The following NLN variants were observed in gnomAD, a reference collection of about 807,000 sequenced individuals.
The protein encoded by NLN is neurolysin, mitochondrial.
Under a neutral mutation model 79.9 loss-of-function variants are expected in NLN, and 64 were observed. That is an observed-to-expected ratio of 0.80 (90% CI 0.65 to 0.99). The LOEUF is 0.99. NLN is among the 50% of genes least tolerant of loss of function. The probability of loss-of-function intolerance (pLI) is 0.00; values close to 1 mark genes in which losing one functional copy is unlikely to be tolerated. For missense variants in NLN, 835 were observed against 858.7 expected (o/e 0.97, Z 0.34); for synonymous variants, 267 against 296.6 (o/e 0.90, Z 1.02).
intron 3 of NLN, among the ~76,000 whole-genome samples, chr5:65,767,574 C>T (rs1719026726): frequency 6.6e-6 from 1 of 152,202 alleles, no homozygotes; most frequent in Non-Finnish European, 1.5e-5. Context: ...ACATTTTCCC[C>T]ATTGTCTTGG....
intron 9 of NLN, 166 bp downstream of exon 9, chr5:65,792,821 C>T: frequency 1.5e-6 from 1 of 684,466 alleles, no homozygotes; most frequent in Non-Finnish European, 2.7e-6. Context: ...TGTCCTCTTT[C>T]ACAACATATT....
At chr5:65,733,101 C>G in intron 1 of NLN, 1 of 1,408,924 alleles carries the variant, frequency 7.1e-7, no homozygotes, top group Non-Finnish European at 9.9e-7. Flanking sequence ...CCCCAGGTGC[C>G]TCAAGAACCT....
At chr5:65,798,022 G>A (rs976601479) in intron 9 of NLN, among the ~76,000 whole-genome samples, 2 of 152,078 alleles carry the variant, frequency 1.3e-5, no homozygotes, top group Non-Finnish European at 2.9e-5. Context: ...GAGCAATGTG[G>A]GTATGTTTAT....
At chr5:65,742,634 G>A (rs1023169758) in intron 1 of NLN, among the ~76,000 whole-genome samples, 2 of 152,134 alleles carry the variant, frequency 1.3e-5, no homozygotes, top group Admixed American at 1.3e-4. Flanking sequence ...AGATAACTTT[G>A]AAAGCCCACT....
Position 65,812,485 on chromosome 5 carries a change from G to T in NLN, c.1980+94G>T, listed in dbSNP as rs138920728. ...ATATTGGTCACATCTAGATTTTACT[G>T]TAAGAGGCTTGGTAACAGCTTTTAC... On this transcript the variant is annotated intron_variant, in intron 12 of 12. Transcript: ENST00000380985. 2.4e-3 allele frequency: 1,978 copies of T among 834,366 alleles called. 15 individuals carry two copies. The highest frequency in any genetic ancestry group is 0.023 in the African/African-American group (1,341 of 58,192). The allele number at this position is 834,366 out of a possible 1,614,324, so 51.7% of individuals were successfully genotyped here. A position where few individuals can be genotyped will look rare whatever the true frequency, so the allele number is the denominator to read the frequency against.
rs924993823 is a variant in NLN at position 65,722,229 on chromosome 5, C to G, written c.-145C>G. 2.7e-5 allele frequency: 12 copies of G among 438,798 alleles called. No homozygotes were observed. The highest frequency in any genetic ancestry group is 1.3e-4 in the African/African-American group (6 of 47,568). 27.2% of individuals were successfully genotyped at this position (438,798 alleles called of 1,614,324 possible). On this transcript the variant is annotated 5_prime_UTR_variant, in exon 1 of 13. Coordinates refer to ENST00000380985, the MANE Select transcript of NLN (RefSeq NM_020726.5). ...TAGGCGCCGGCGTGGAGCTGCCGCA[C>G]GTGGGAGGGCGCTGGCCAGGCAGCC...
chr5:65,812,168 GCCT>G, intron 11 of NLN, 84 bp from the exon 12 acceptor site: 3 of 1,072,208 alleles, frequency 2.8e-6, no homozygotes, highest in Non-Finnish European at 4.3e-6. Context: ...CCCACAGCTG[GCCT>G]CCTCAGAGGG....
intron 12 of NLN, among the ~76,000 whole-genome samples, chr5:65,813,113 AT>A (rs1479292254): frequency 6.6e-6 from 1 of 152,080 alleles, no homozygotes; most frequent in Non-Finnish European, 1.5e-5. Context: ...CAACCAATAG[AT>A]TTTTTTCTCC....
chr5:65,725,704 G>A (rs938930699), intron 1 of NLN, among the ~76,000 whole-genome samples: 1 of 152,194 alleles, frequency 6.6e-6, no homozygotes, highest in Non-Finnish European at 1.5e-5. Flanking sequence ...CAAACTGTCA[G>A]TTGTTTTACT....
chr5:65,726,722 T>G (rs1257345646), intron 1 of NLN, among the ~76,000 whole-genome samples: 1 of 152,228 alleles, frequency 6.6e-6, no homozygotes, highest in Non-Finnish European at 1.5e-5. Flanking sequence ...TTAACTAATT[T>G]GTTACATAAG....
rs145095163 is a variant in NLN at position 65,758,764 on chromosome 5, T to C, written c.239T>C (p.Ile80Thr). 160 of 1,613,648 alleles carry C rather than the reference T, an allele frequency of 9.9e-5. No homozygotes were observed. The highest frequency in any genetic ancestry group is 1.3e-4 in the Non-Finnish European group (150 of 1,179,716). ...TACGATGCTGTTGGAATGCTCGGTATTGAGGAAGTAACTTACGAGAACTGT... is the reference window on the plus strand; with the variant it reads ...TACGATGCTGTTGGAATGCTCGGTACTGAGGAAGTAACTTACGAGAACTGT... ...QVYDAVGMLGIEEVTYENCLQ... is the reference protein window; with the variant it reads ...QVYDAVGMLGTEEVTYENCLQ... Residue 80 changes from isoleucine (I) to threonine (T), a missense_variant, in exon 2 of 13, where the codon ATT becomes ACT. Ile to Thr is a moderately conservative substitution (Grantham distance 89, BLOSUM62 -1). Coordinates refer to ENST00000380985, the MANE Select transcript of NLN (RefSeq NM_020726.5).
rs1760912790 is a variant in NLN, at chr5:65,826,046, C to G, written c.*3131C>G. On this transcript the variant is annotated 3_prime_UTR_variant, in exon 13 of 13. Coordinates refer to ENST00000380985, the MANE Select transcript of NLN (RefSeq NM_020726.5). ...TACAGTTCTGGAAGCTGGGAAGTCCCACAATCCACATGCTGGTAAATTTGG... is the reference window on the plus strand; with the variant it reads ...TACAGTTCTGGAAGCTGGGAAGTCCGACAATCCACATGCTGGTAAATTTGG... 1 of 152,204 alleles carries G rather than the reference C, an allele frequency of 6.6e-6. No homozygotes were observed. 9.4% of individuals were successfully genotyped at this position (152,204 alleles called of 1,614,324 possible). A position where few individuals can be genotyped will look rare whatever the true frequency, so the allele number is the denominator to read the frequency against.
In NLN at chr5:65,805,809, G is replaced by A. The variant is rs116840183; in HGVS notation, c.1528-3706G>A. ...TAGCCTTCTATTGGTAGAAGATGCC[G>A]TCTAGGACTTTCAGGAATGCTAGAG... On this transcript the variant is annotated intron_variant, in intron 9 of 12. Coordinates refer to ENST00000380985, the MANE Select transcript of NLN (RefSeq NM_020726.5). Among the ~76,000 whole-genome samples the A allele has an allele frequency of 5.1e-3, 770 of 152,354 alleles. 5 individuals carry two copies. The highest frequency in any genetic ancestry group is 0.034 in the South Asian group (162 of 4,826).
intron 9 of NLN, among the ~76,000 whole-genome samples, chr5:65,795,088 C>G (rs1366604724): frequency 2.6e-5 from 4 of 152,156 alleles, no homozygotes; most frequent in African/African-American, 4.8e-5. Context: ...CGTGGTGGTT[C>G]ATGCCTGTAA....
At chr5:65,754,270 G>T (rs1221482403) in intron 1 of NLN, among the ~76,000 whole-genome samples, 1 of 152,032 alleles carries the variant, frequency 6.6e-6, no homozygotes. Context: ...CTGTTTTATC[G>T]TAAATCAGAT....
In NLN at chr5:65,826,264, G is replaced by A. The variant is rs1320256015; in HGVS notation, c.*3349G>A. 1.3e-5 allele frequency: 2 copies of A among 152,176 alleles called. No homozygotes were observed. The highest frequency in any genetic ancestry group is 2.9e-5 in the Non-Finnish European group (2 of 68,058). The allele number at this position is 152,176 out of a possible 1,614,324, so 9.4% of individuals were successfully genotyped here. On this transcript the variant is annotated 3_prime_UTR_variant, in exon 13 of 13. Transcript: ENST00000380985. ...AGAGTGTCTCTTTTTACGAGAGCAG[G>A]AATCCCATCATGAGAGTTCCTTCCT...
chr5:65,787,918 C>A (rs1021300303), intron 7 of NLN, among the ~76,000 whole-genome samples, 200 bp from the exon 8 acceptor site: 3 of 152,170 alleles, frequency 2.0e-5, no homozygotes, highest in East Asian at 1.9e-4. Flanking sequence ...AAATCAATAA[C>A]CCCGAAGAGC....
chr5:65,751,998 G>A (rs1405057107), intron 1 of NLN, among the ~76,000 whole-genome samples: 3 of 152,098 alleles, frequency 2.0e-5, no homozygotes, highest in Non-Finnish European at 4.4e-5. Flanking sequence ...CCAACACTTT[G>A]GGAAGCTGAA....
At chr5:65,789,982 A>G (rs1231381480) in intron 8 of NLN, among the ~76,000 whole-genome samples, 2 of 152,184 alleles carry the variant, frequency 1.3e-5, no homozygotes, top group Non-Finnish European at 2.9e-5. Context: ...GGATTGTTTT[A>G]TGCATTAAAG....
Sources: allele counts gnomAD v4.1 joint callset (sites outside exome capture counted in the v4.1 genomes callset), GRCh38; gene constraint gnomAD v4.1.1; transcripts MANE v1.5; gene names NCBI Gene and HGNC (gene_info 2026-07-23, HGNC 2026-07-21).